The following MGAT4C variants were observed in gnomAD, a reference collection of about 807,000 sequenced individuals.
MGAT4C encodes alpha-1,3-mannosyl-glycoprotein 4-beta-N-acetylglucosaminyltransferase C.
In MGAT4C, 19 loss-of-function variants were observed where a neutral mutation model predicts 40.1. The observed-to-expected ratio is 0.47, with a 90% confidence interval of 0.33 to 0.70. The LOEUF is 0.70. Ranked by LOEUF, MGAT4C falls within the 30% of genes least tolerant of loss-of-function variation. The pLI, the probability that MGAT4C is intolerant of heterozygous loss-of-function variation, is 0.02. For missense variants in MGAT4C, 491 were observed against 563.2 expected (o/e 0.87, Z 1.30); for synonymous variants, 181 against 187.1 (o/e 0.97, Z 0.27).
In MGAT4C at chr12:85,980,008, C is replaced by T; in HGVS notation, c.718G>A (p.Val240Ile). Residue 240 changes from valine to isoleucine, a missense_variant, in exon 5 of 5, where the codon GTC becomes ATC. Transcript: ENST00000611864. ...TAAGTTCCTTCTAGGGATGCAATGA[C>T]TTTCTTGATGGCAGTTAAGAAATTT... The part of the protein sequence containing the change: ...SKNFLTAIKK[V>I]IASLEGTYWV... The T allele has an allele frequency of 6.2e-7, 1 of 1,613,614 alleles. No individual in the cohort carries two copies. The highest frequency in any genetic ancestry group is 1.1e-5 in the South Asian group (1 of 91,078).
At chr12:86,144,110 G>A (rs991156941) in intron 1 of MGAT4C, among the ~76,000 whole-genome samples, 7 of 152,164 alleles carry the variant, frequency 4.6e-5, no homozygotes, top group Non-Finnish European at 8.8e-5. Flanking sequence ...GAGACCACTC[G>A]GACAAATTTA....
chr12:86,434,994 A>G (rs1292318136), intron 3 of MGAT4C, among the ~76,000 whole-genome samples: 1 of 151,962 alleles, frequency 6.6e-6, no homozygotes, highest in Non-Finnish European at 1.5e-5. Context: ...TTATCTTGCT[A>G]TAACATAAAG....
rs191612067 is a variant in MGAT4C at position 86,356,901 on chromosome 12, C to T, written c.-119-22774G>A. ...GTAGAATCCACCTCTGGGGGCAGGG[C>T]ATGGCTGAACAAAAGGCAGCAGAAA... On this transcript the variant is annotated intron_variant, in intron 3 of 7. Transcript: ENST00000548651. Among the ~76,000 whole-genome samples the T allele has an allele frequency of 9.3e-4, 142 of 152,310 alleles. 1 individual carries two copies. The highest frequency in any genetic ancestry group is 3.1e-3 in the African/African-American group (127 of 41,570).
intron 1 of MGAT4C, among the ~76,000 whole-genome samples, chr12:86,105,748 C>T (rs548785847): frequency 6.6e-6 from 1 of 152,048 alleles, no homozygotes; most frequent in Admixed American, 6.6e-5. Context: ...AGATTATTTG[C>T]CATATAAAGT....
chr12:86,817,206 T>C (rs1952623807), intron 1 of MGAT4C, among the ~76,000 whole-genome samples: 1 of 151,394 alleles, frequency 6.6e-6, no homozygotes, highest in African/African-American at 2.4e-5. Flanking sequence ...AATTTAATAC[T>C]TTTGTTGTCA....
rs186972219 is a variant in MGAT4C at position 85,968,274 on chromosome 12, T to C, written c.*11015A>G. 1 of 152,156 alleles carries C rather than the reference T, an allele frequency of 6.6e-6. No individual in the cohort carries two copies. Among genetic ancestry groups the C allele is most frequent in the Admixed American group, 6.6e-5 (1 of 15,262 alleles). 9.4% of individuals were successfully genotyped at this position (152,156 alleles called of 1,614,324 possible). On this transcript the variant is annotated 3_prime_UTR_variant, in exon 5 of 5. Transcript: ENST00000611864. ...GCTCAGTTTACAAACAGCAGTGGGTTGAAGGCAATGCTGTTTATATTCTTG... is the reference window on the plus strand; with the variant it reads ...GCTCAGTTTACAAACAGCAGTGGGTCGAAGGCAATGCTGTTTATATTCTTG...
intron 4 of MGAT4C, among the ~76,000 whole-genome samples, chr12:86,307,224 G>A (rs1200114223): frequency 6.7e-6 from 1 of 150,198 alleles, no homozygotes; most frequent in Non-Finnish European, 1.5e-5. Context: ...AACTGTATTA[G>A]ATTTGTCTCA....
rs867214181 is a variant in MGAT4C at position 86,202,835 on chromosome 12, T to C, written c.-57+53404A>G. On this transcript the variant is annotated intron_variant, in intron 1 of 4. Transcript: ENST00000611864. ...TTTTCTAGTATTTCCATTTTCTTTT[T>C]ATAGATTTCATTCTTTTGCAATTTC... Among the ~76,000 whole-genome samples the C allele has an allele frequency of 2.7e-4, 41 of 152,304 alleles. No individual in the cohort carries two copies. In the Middle Eastern group the frequency reaches 0.01, roughly 38 times the overall value.
intron 4 of MGAT4C, among the ~76,000 whole-genome samples, chr12:86,296,864 G>T (rs1033702560): frequency 6.6e-5 from 10 of 152,230 alleles, no homozygotes; most frequent in African/African-American, 2.4e-4. Context: ...GGGCCAAAGG[G>T]CTCCTCAAGT....
intron 3 of MGAT4C, among the ~76,000 whole-genome samples, chr12:86,389,865 T>G (rs1249832199): frequency 6.6e-6 from 1 of 152,232 alleles, no homozygotes; most frequent in African/African-American, 2.4e-5. Context: ...CTTTTCTCTC[T>G]CGGGGATACA....
At chr12:85,989,341 A>C in intron 3 of MGAT4C, 59 bp downstream of exon 3, 2 of 1,447,882 alleles carry the variant, frequency 1.4e-6, no homozygotes, top group Non-Finnish European at 1.9e-6. Flanking sequence ...CAATGGGACT[A>C]ATTCTTGTTT....
intron 3 of MGAT4C, among the ~76,000 whole-genome samples, chr12:86,338,973 A>C (rs536155497): frequency 4.0e-5 from 6 of 151,178 alleles, no homozygotes; most frequent in African/African-American, 1.5e-4. Flanking sequence ...AAAAAAAAAA[A>C]AAAAAAAAAC....
chr12:86,172,493 T>A (rs1886958353), intron 1 of MGAT4C, among the ~76,000 whole-genome samples: 1 of 152,222 alleles, frequency 6.6e-6, no homozygotes, highest in South Asian at 2.1e-4. Flanking sequence ...AAAACTCATT[T>A]TTTTCTTTTA....
At position 86,576,882 on chromosome 12, in the gene MGAT4C, G is replaced by T. The variant is rs202069072; in HGVS notation, c.-228-141617C>A. On this transcript the variant is annotated intron_variant, in intron 2 of 7. Coordinates refer to the MGAT4C transcript ENST00000548651. Reference sequence around the variant, plus strand: ...AGAATATCATTGGTATTTTCATAGGGATTGCATTGAATCTGTAGATTGTTT... The same window carrying T: ...AGAATATCATTGGTATTTTCATAGGTATTGCATTGAATCTGTAGATTGTTT... 7.2e-5 allele frequency among the ~76,000 whole-genome samples: 11 copies of T among 151,800 alleles called. No individual in the cohort carries two copies. In the East Asian group the frequency reaches 1.9e-3, roughly 27 times the overall value.
Position 86,782,171 on chromosome 12 carries a change from A to ATTTTTTTTTTT in MGAT4C, c.-261-54941_-261-54931dup, listed in dbSNP as rs57791582. On this transcript the variant is annotated intron_variant, in intron 1 of 7. Coordinates refer to the MGAT4C transcript ENST00000548651. ...CCACGCCTGGCTAAATGTTTTTTGT[A>ATTTTTTTTTTT]TTTTTTTTTTTTTTTTTTTTTTTTT... Among the ~76,000 whole-genome samples the ATTTTTTTTTTT allele has an allele frequency of 7.4e-5, 3 of 40,274 alleles. 1 individual carries two copies. The highest frequency in any genetic ancestry group is 1.9e-3 in the East Asian group (2 of 1,058). The allele number at this position is 40,274 out of a possible 152,430, so 26.4% of individuals were successfully genotyped here.
intron 1 of MGAT4C, among the ~76,000 whole-genome samples, chr12:86,207,585 A>G (rs1349777751): frequency 6.6e-6 from 1 of 152,194 alleles, no homozygotes; most frequent in Non-Finnish European, 1.5e-5. Flanking sequence ...GAAAGGAAAA[A>G]AAACAGCATG....
At chr12:86,487,203 G>T (rs183313344) in intron 2 of MGAT4C, among the ~76,000 whole-genome samples, 1 of 152,252 alleles carries the variant, frequency 6.6e-6, no homozygotes, top group Non-Finnish European at 1.5e-5. Context: ...CTGTGAAAGA[G>T]ATCTATTAAT....
At chr12:86,076,698 C>T (rs1030231722) in intron 1 of MGAT4C, among the ~76,000 whole-genome samples, 1 of 152,126 alleles carries the variant, frequency 6.6e-6, no homozygotes, top group Non-Finnish European at 1.5e-5. Context: ...CATCAGATCT[C>T]GTGAGTCTTA....
intron 2 of MGAT4C, among the ~76,000 whole-genome samples, chr12:86,615,521 C>A (rs982484213): frequency 2.6e-5 from 4 of 151,912 alleles, no homozygotes; most frequent in Non-Finnish European, 5.9e-5. Flanking sequence ...AGAAATCTAG[C>A]CTCATATTTT....
Sources: gnomAD v4.1 joint callset for allele counts (sites outside exome capture counted in the v4.1 genomes callset) on GRCh38, gnomAD v4.1.1 for gene constraint, MANE v1.5 for transcripts, NCBI Gene and HGNC (gene_info 2026-07-23, HGNC 2026-07-21) for gene names.